SGCZ: variants seen among roughly 807,000 people sequenced by gnomAD.
SGCZ encodes zeta-sarcoglycan.
In SGCZ, 40 loss-of-function variants were observed where a neutral mutation model predicts 41.3. The observed-to-expected ratio is 0.97, with a 90% CI of 0.75 to 1.26. The LOEUF (loss-of-function observed/expected upper bound fraction) is 1.26, where lower values mean the gene tolerates loss of function less well. Ranked by LOEUF, SGCZ falls within the 50% of genes most tolerant of loss-of-function variation. The pLI, the probability that SGCZ is intolerant of heterozygous loss-of-function variation, is 0.00. For synonymous variants in SGCZ, 206 were observed against 137.5 expected, an observed-to-expected ratio of 1.50 and a Z score of -3.49; for missense variants, 552 against 369.8, an observed-to-expected ratio of 1.49 and a Z score of -4.04.
intron 5 of SGCZ, among the ~76,000 whole-genome samples, chr8:14,141,784 A>G (rs1020152698): frequency 6.6e-6 from 1 of 152,208 alleles, no homozygotes; most frequent in African/African-American, 2.4e-5. Context: ...TAGAACTAGA[A>G]AAACCATTTG....
rs1585121996 is a variant in SGCZ at position 14,088,068 on chromosome 8, C to A, written c.*2375G>T. ...GGAATCGGTTTTTACATCTTTTTTT[C>A]TCACTTTTTTTTTCATCTTTTCTCC... is the stretch of plus-strand genomic sequence containing the variant. On this transcript the variant is annotated 3_prime_UTR_variant, in exon 8 of 8. Transcript: ENST00000382080. Among the ~76,000 whole-genome samples, 1 of 151,554 alleles carries A rather than the reference C, an allele frequency of 6.6e-6. No individual in the cohort carries two copies. Among genetic ancestry groups the A allele is most frequent in the African/African-American group, 2.4e-5 (1 of 41,338 alleles).
chr8:14,568,516 T>C (rs1804452999), intron 1 of SGCZ, among the ~76,000 whole-genome samples: 1 of 151,826 alleles, frequency 6.6e-6, no homozygotes, highest in Non-Finnish European at 1.5e-5. Context: ...TTATATGTCA[T>C]ACTCTTTTCT....
chr8:14,830,419 T>C (rs1174668281), intron 1 of SGCZ, among the ~76,000 whole-genome samples: 1 of 152,242 alleles, frequency 6.6e-6, no homozygotes, highest in Non-Finnish European at 1.5e-5. Flanking sequence ...TTACAATTAT[T>C]ACAGTTTAAA....
intron 5 of SGCZ, among the ~76,000 whole-genome samples, chr8:14,116,953 T>C (rs1802542115): frequency 6.6e-6 from 1 of 152,130 alleles, no homozygotes; most frequent in African/African-American, 2.4e-5. Context: ...AAGCCATTAC[T>C]GCTTTTTGCA....
chr8:14,110,321 T>A (rs1802334019), intron 5 of SGCZ, among the ~76,000 whole-genome samples: 1 of 152,168 alleles, frequency 6.6e-6, no homozygotes, highest in African/African-American at 2.4e-5. Flanking sequence ...TATGAAAATT[T>A]CCCAGATAAG....
intron 1 of SGCZ, among the ~76,000 whole-genome samples, chr8:14,845,123 A>G (rs970805778): frequency 2.0e-5 from 3 of 152,192 alleles, no homozygotes; most frequent in Non-Finnish European, 4.4e-5. Context: ...AAGGACAGGG[A>G]AAGAACACCT....
chr8:14,837,488 C>G (rs2130617441), intron 1 of SGCZ, among the ~76,000 whole-genome samples: 1 of 152,274 alleles, frequency 6.6e-6, no homozygotes, highest in Admixed American at 6.5e-5. Flanking sequence ...CATATAGGGA[C>G]TACATTTCCC....
At chr8:14,377,100 G>C (rs892458317) in intron 2 of SGCZ, among the ~76,000 whole-genome samples, 3 of 152,122 alleles carry the variant, frequency 2.0e-5, no homozygotes, top group Non-Finnish European at 4.4e-5. Context: ...GCATAGACCG[G>C]GTTGCAAGAA....
chr8:15,004,789 G>T (rs1802542325), intron 1 of SGCZ, among the ~76,000 whole-genome samples: 1 of 152,116 alleles, frequency 6.6e-6, no homozygotes, highest in Admixed American at 6.5e-5. Context: ...CTAGTAAATT[G>T]TAAAGAGAGA....
intron 1 of SGCZ, among the ~76,000 whole-genome samples, chr8:14,635,732 G>A (rs1806805787): frequency 6.6e-6 from 1 of 151,670 alleles, no homozygotes; most frequent in South Asian, 2.1e-4. Flanking sequence ...ACAGCAATGG[G>A]TTCAGTACTA....
At chr8:14,790,934 G>A (rs1800930012) in intron 1 of SGCZ, among the ~76,000 whole-genome samples, 1 of 151,662 alleles carries the variant, frequency 6.6e-6, no homozygotes, top group African/African-American at 2.4e-5. Context: ...GAGTGGTTAA[G>A]GCAGGAGGAT....
At chr8:14,966,574 T>G (rs1340195430) in intron 1 of SGCZ, among the ~76,000 whole-genome samples, 1 of 152,124 alleles carries the variant, frequency 6.6e-6, no homozygotes, top group Admixed American at 6.6e-5. Context: ...TTTAAGAGCC[T>G]AATTTTACTA....
intron 1 of SGCZ, among the ~76,000 whole-genome samples, chr8:15,092,244 G>A (rs187631099): frequency 6.6e-6 from 1 of 152,282 alleles, no homozygotes; most frequent in East Asian, 1.9e-4. Flanking sequence ...CTGCTTCACT[G>A]AAGGGTTAAG....
At chr8:15,036,086 T>C (rs1803864154) in intron 1 of SGCZ, among the ~76,000 whole-genome samples, 1 of 151,880 alleles carries the variant, frequency 6.6e-6, no homozygotes, top group Non-Finnish European at 1.5e-5. Context: ...CCACAGACCT[T>C]TAACTAGACT....
At chr8:14,711,144 C>T (rs888137744) in intron 1 of SGCZ, among the ~76,000 whole-genome samples, 23 of 152,148 alleles carry the variant, frequency 1.5e-4, no homozygotes, top group Non-Finnish European at 2.4e-4. Flanking sequence ...AAATAGAAGA[C>T]ATACTGAGCA....
intron 4 of SGCZ, among the ~76,000 whole-genome samples, chr8:14,217,339 A>T (rs1047659182): frequency 6.9e-6 from 1 of 144,906 alleles, no homozygotes; most frequent in Non-Finnish European, 1.5e-5. Flanking sequence ...ACACACACAC[A>T]CCCACACGCA....
At chr8:14,283,949 A>AT (rs1365419061) in intron 3 of SGCZ, among the ~76,000 whole-genome samples, 1 of 152,198 alleles carries the variant, frequency 6.6e-6, no homozygotes, top group Non-Finnish European at 1.5e-5. Flanking sequence ...TGCTTATTGG[A>AT]TATTTCCTTT....
chr8:15,187,027 C>A (rs562045288), intron 1 of SGCZ, among the ~76,000 whole-genome samples: 17 of 152,202 alleles, frequency 1.1e-4, no homozygotes, highest in Non-Finnish European at 1.8e-4. Flanking sequence ...TAAAGCATTA[C>A]GTCCAATGAT....
intron 2 of SGCZ, among the ~76,000 whole-genome samples, chr8:14,414,221 C>G (rs117599861): frequency 6.6e-6 from 1 of 151,730 alleles, no homozygotes; most frequent in Non-Finnish European, 1.5e-5. Context: ...GACACGCACA[C>G]GCTAGAGAGA....
Sources: allele counts gnomAD v4.1 joint callset (sites outside exome capture counted in the v4.1 genomes callset), GRCh38; gene constraint gnomAD v4.1.1; transcripts MANE v1.5; gene names NCBI Gene and HGNC (gene_info 2026-07-23, HGNC 2026-07-21).